Variants in SF3A1 observed in about 807,000 individuals in gnomAD.
SF3A1 encodes splicing factor 3a subunit 1, also known as SAP 114.
A neutral mutation model predicts 89.9 loss-of-function variants in SF3A1; 13 were observed. That is an observed-to-expected ratio of 0.14 (90% CI 0.09 to 0.23). The LOEUF (loss-of-function observed/expected upper bound fraction) is 0.23. Ranked by LOEUF, SF3A1 falls within the 10% of genes least tolerant of loss-of-function variation. The pLI is 1.00. For synonymous variants in SF3A1, 405 were observed against 374.4 expected, an observed-to-expected ratio of 1.08 and a Z score of -0.94; for missense variants, 604 against 1,022.1, an observed-to-expected ratio of 0.59 and a Z score of 5.58.
chr22:30,334,676 G>C lies in SF3A1; in HGVS notation c.2300C>G (p.Ser767Cys), dbSNP rs763140760. 1.3e-6 allele frequency: 2 copies of C among 1,596,260 alleles called. No individual in the cohort carries two copies. Among genetic ancestry groups the C allele is most frequent in the Admixed American group, 3.6e-5 (2 of 55,736 alleles). Reference protein sequence around the residue: ...LQYEGIFIKDSNSLAYYNMAN... With the variant: ...LQYEGIFIKDCNSLAYYNMAN... ...CATGTTGTAGTAAGCCAGTGAGTTG[G>C]AATCTTTGATGAAGATACCCTGGAA... Residue 767 changes from serine to cysteine, a missense_variant, in exon 16 of 16, where the codon TCC becomes TGC. Physicochemically the swap from Ser to Cys is moderately radical, Grantham distance 112. Around this residue, in one of 9 missense-constraint regions of SF3A1, gnomAD observed 74 missense variants for 141.3 expected, o/e 0.52. Transcript: ENST00000215793.
chr22:30,353,053 G>T lies in SF3A1; in HGVS notation c.83C>A (p.Ser28Tyr), dbSNP rs1401604111. The T allele has an allele frequency of 6.2e-7, 1 of 1,614,000 alleles. No homozygotes were observed. The highest frequency in any genetic ancestry group is 8.5e-7 in the Non-Finnish European group (1 of 1,179,990). ...EPKQPTEEEA[S>Y]SKEDSAPSKP... is the part of the protein sequence containing the mutation. ...AGAAGGTGCAGAATCCTCCTTTGAA[G>T]ATGCTTCTTCTTCTGTGGGCTGTGC... The change falls in exon 2 of 16, where the codon TCT becomes TAT. Residue 28 changes from serine to tyrosine, a missense_variant. This residue lies in a region of SF3A1 where 55 missense variants were observed against 43.8 expected (regional missense o/e 1.25). Transcript: ENST00000215793.
chr22:30,338,695 C>A, intron 11 of SF3A1, 94 bp downstream of exon 11: 1 of 1,509,298 alleles, frequency 6.6e-7, no homozygotes, highest in Non-Finnish European at 9.2e-7. Flanking sequence ...ACACTCAGGC[C>A]CCACTAAAAG....
chr22:30,337,744 G>C lies in SF3A1; in HGVS notation c.1897C>G (p.Pro633Ala). The C allele has an allele frequency of 6.3e-7, 1 of 1,574,962 alleles. No homozygotes were observed. The highest frequency in any genetic ancestry group is 8.6e-7 in the Non-Finnish European group (1 of 1,160,782). Residue 633 changes from proline to alanine, a missense_variant, in exon 12 of 16, where the codon CCC (proline) becomes GCC (alanine). Pro to Ala is a conservative substitution (Grantham distance 27). Transcript: ENST00000215793. ...GGGGCCATAATAGGAGGGGCCGAGG[G>C]AGGCATGGGCACCACGTTGATTCTG... ...APRINVVPMP[P>A]SAPPIMAPRP...
chr22:30,333,898 C>A lies in SF3A1; in HGVS notation c.*696G>T, dbSNP rs1930986738. 6.6e-6 allele frequency: 1 copy of A among 152,176 alleles called. No homozygotes were observed. The highest frequency in any genetic ancestry group is 2.1e-4 in the South Asian group (1 of 4,824). The allele number at this position is 152,176 out of a possible 1,614,324, so 9.4% of individuals were successfully genotyped here. The stretch of plus-strand genomic sequence containing the variant: ...TTCCAGGCCAGCAGGAAACCACCGC[C>A]CACTGACACAGGGACTGCACCATCC... On this transcript the variant is annotated 3_prime_UTR_variant, in exon 16 of 16. Coordinates refer to ENST00000215793, the MANE Select transcript of SF3A1 (RefSeq NM_005877.6).
chr22:30,356,676 A>T, intron 1 of SF3A1, 54 bp downstream of exon 1: 1 of 1,336,574 alleles, frequency 7.5e-7, no homozygotes, highest in Non-Finnish European at 1.0e-6. Context: ...TGTGCGAGTA[A>T]GGAGCGCCCA....
Position 30,345,074 on chromosome 22 carries a change from C to T in SF3A1, c.510G>A (p.Thr170=), listed in dbSNP as rs746515701. 46 of 1,614,226 alleles carry T rather than the reference C, an allele frequency of 2.8e-5. No individual in the cohort carries two copies. The highest frequency in any genetic ancestry group is 3.5e-5 in the Non-Finnish European group (41 of 1,180,052). Residue 170 remains threonine (T), a synonymous_variant, in exon 4 of 16, where the codon ACG becomes ACA. Coordinates refer to ENST00000215793, the MANE Select transcript of SF3A1 (RefSeq NM_005877.6). ...GCCCATTCCTGGCCACAAACTGAGCCGTCAGCTTCACCACATCCAAGTCGA... is the reference window on the plus strand; with the variant it reads ...GCCCATTCCTGGCCACAAACTGAGCTGTCAGCTTCACCACATCCAAGTCGA... ...SAFDLDVVKL[T]AQFVARNGRQ...
chr22:30,340,454 C>A lies in SF3A1; in HGVS notation c.1190-73G>T, dbSNP rs952072963. 7 of 1,429,284 alleles carry A rather than the reference C, an allele frequency of 4.9e-6. No individual in the cohort carries two copies. The Admixed American group carries it at 9.3e-5, about 19-fold the overall frequency. The allele number at this position is 1,429,284 out of a possible 1,614,324, so 88.5% of individuals were successfully genotyped here. Reference sequence around the variant, plus strand: ...TGAGTTAAGAGGGTGGTATTTCATGCGTGCATCATTCATCAAGGCATCTAT... The same window carrying A: ...TGAGTTAAGAGGGTGGTATTTCATGAGTGCATCATTCATCAAGGCATCTAT... On this transcript the variant is annotated intron_variant, in intron 8 of 15. Transcript: ENST00000215793.
intron 4 of SF3A1, among the ~76,000 whole-genome samples, chr22:30,344,665 G>A (rs1327244462): frequency 2.0e-5 from 3 of 152,344 alleles, no homozygotes; most frequent in East Asian, 1.9e-4. Flanking sequence ...CAAGCACCAC[G>A]TGGCCTTGTC....
chr22:30,337,836 A>T lies in SF3A1; in HGVS notation c.1805T>A (p.Met602Lys). 1 of 1,608,650 alleles carries T rather than the reference A, an allele frequency of 6.2e-7. No homozygotes were observed. Among genetic ancestry groups the T allele is most frequent in the Non-Finnish European group, 8.5e-7 (1 of 1,178,198 alleles). ...SAVPVMPRPP[M>K]ASVVRLPPGS... Reference sequence around the variant, plus strand: ...TGGGGGCAGCCGGACCACAGATGCCATTGGGGGCCGGGGCATGACGGGTAC... The same window carrying T: ...TGGGGGCAGCCGGACCACAGATGCCTTTGGGGGCCGGGGCATGACGGGTAC... Residue 602 changes from methionine to lysine, a missense_variant, in exon 12 of 16, where the codon ATG (methionine) becomes AAG (lysine). Physicochemically the swap from Met to Lys is moderately conservative, Grantham distance 95. Transcript: ENST00000215793.
intron 4 of SF3A1, among the ~76,000 whole-genome samples, chr22:30,344,621 A>G (rs2094213484): frequency 6.6e-6 from 1 of 152,242 alleles, no homozygotes; most frequent in Admixed American, 6.5e-5. Flanking sequence ...GGGCCTTACT[A>G]GGCAACTGAA....
Position 30,332,682 on chromosome 22 carries a change from TTCACAAGGCCTCATGG to T in SF3A1, c.*1896_*1911del, listed in dbSNP as rs1930952618. On this transcript the variant is annotated 3_prime_UTR_variant, in exon 16 of 16. Coordinates refer to ENST00000215793, the MANE Select transcript of SF3A1 (RefSeq NM_005877.6). ...CACACTGGGCCTGTGGCCACTGATG[TTCACAAGGCCTCATGG>T]TCAATGGAGCTTCTGCATCTGAGCG... 2 of 152,250 alleles carry T rather than the reference TTCACAAGGCCTCATGG, an allele frequency of 1.3e-5. No individual in the cohort carries two copies. Among genetic ancestry groups the T allele is most frequent in the Admixed American group, 1.3e-4 (2 of 15,290 alleles). 9.4% of individuals were successfully genotyped at this position (152,250 alleles called of 1,614,324 possible). A position where few individuals can be genotyped will look rare whatever the true frequency, so the allele number is the denominator to read the frequency against.
intron 12 of SF3A1, 65 bp downstream of exon 12, chr22:30,337,622 TCTG>T: frequency 1.3e-6 from 1 of 798,346 alleles, no homozygotes; most frequent in Non-Finnish European, 2.2e-6. Flanking sequence ...CAGCCACTGC[TCTG>T]CTGACAGTAC....
At chr22:30,334,957 G>C (rs2145799286) in intron 15 of SF3A1, among the ~76,000 whole-genome samples, 1 of 152,282 alleles carries the variant, frequency 6.6e-6, no homozygotes, top group Non-Finnish European at 1.5e-5. Context: ...CAACTCCATG[G>C]AGCTCTGACT....
At chr22:30,338,458 CAAAA>C (rs11442423) in intron 11 of SF3A1, among the ~76,000 whole-genome samples, 1 of 119,850 alleles carries the variant, frequency 8.3e-6, no homozygotes, top group African/African-American at 3.1e-5. Flanking sequence ...AACTTCATCT[CAAAA>C]AAAAAAAAAA....
At chr22:30,349,183 G>A (rs1330738970) in intron 2 of SF3A1, among the ~76,000 whole-genome samples, 2 of 152,192 alleles carry the variant, frequency 1.3e-5, no homozygotes, top group East Asian at 1.9e-4. Flanking sequence ...ATAAATATAC[G>A]TGAACCCAGG....
At chr22:30,338,588 C>A (rs2145804525) in intron 11 of SF3A1, among the ~76,000 whole-genome samples, 1 of 152,230 alleles carries the variant, frequency 6.6e-6, no homozygotes, top group South Asian at 2.1e-4. Flanking sequence ...TTGCCACTTA[C>A]CTCCCTCCCT....
In SF3A1 at chr22:30,341,765, T is replaced by C. The variant is rs1275551292; in HGVS notation, c.998A>G (p.Asp333Gly). 2.5e-6 allele frequency: 4 copies of C among 1,613,908 alleles called. No individual in the cohort carries two copies. The highest frequency in any genetic ancestry group is 2.5e-6 in the Non-Finnish European group (3 of 1,179,972). ...VEMEVESDEE[D>G]DKQEKAEEPP... ...CTCCTCCGCCTTCTCCTGTTTGTCA[T>C]CCTCCTCATCAGACTCGACCTCCAT... is the stretch of plus-strand genomic sequence containing the variant. The change falls in exon 7 of 16, where the codon GAT becomes GGT. Residue 333 changes from aspartate to glycine, a missense_variant. Physicochemically the swap from Asp to Gly is moderately conservative, Grantham distance 94. This residue lies in a region of SF3A1 where 146 missense variants were observed against 228.5 expected (regional missense o/e 0.64). Coordinates refer to ENST00000215793, the MANE Select transcript of SF3A1 (RefSeq NM_005877.6).
At chr22:30,349,183 G>C (rs1330738970) in intron 2 of SF3A1, among the ~76,000 whole-genome samples, 1 of 152,192 alleles carries the variant, frequency 6.6e-6, no homozygotes, top group Non-Finnish European at 1.5e-5. Context: ...ATAAATATAC[G>C]TGAACCCAGG....
intron 2 of SF3A1, among the ~76,000 whole-genome samples, chr22:30,347,752 C>T (rs1159405322): frequency 6.6e-6 from 1 of 152,222 alleles, no homozygotes; most frequent in Admixed American, 6.5e-5. Context: ...CAGCAAGTTA[C>T]CAAACTACTC....
Sources: gnomAD v4.1 joint callset for allele counts (sites outside exome capture counted in the v4.1 genomes callset) on GRCh38, gnomAD v4.1.1 for gene constraint, gnomAD v4.1.1 regional missense constraint, MANE v1.5 for transcripts, NCBI Gene and HGNC (gene_info 2026-07-23, HGNC 2026-07-21) for gene names.